ITFG1: variants seen among roughly 807,000 people sequenced by gnomAD.
ITFG1 encodes the protein integrin alpha FG-GAP repeat containing 1.
ITFG1 carries 34 observed loss-of-function variants against 81.8 expected under a neutral mutation model. The ratio of observed to expected loss-of-function variants is 0.42; its 90% CI spans 0.32 to 0.55. ITFG1 has a LOEUF of 0.55. Among genes scored for constraint, ITFG1 ranks in the 20% least tolerant of loss-of-function variants. The pLI, the probability that ITFG1 is intolerant of heterozygous loss-of-function variation, is 0.17. For missense variants in ITFG1, 672 were observed against 755.4 expected (o/e 0.89, Z 1.29); for synonymous variants, 285 against 270.6 (o/e 1.05, Z -0.52).
Position 47,376,964 on chromosome 16 carries a change from C to CAAAAAAAAAAAAAAAAAAAAAAAAAAAA in ITFG1, c.656-1025_656-1024insTTTTTTTTTTTTTTTTTTTTTTTTTTTT, listed in dbSNP as rs1222007051. Reference sequence around the variant, plus strand: ...GAGACAGAGGGAGACTCTGTCTCCCCAAAAAAAAAAAAAAAAAAAAAAAAA... The same window carrying CAAAAAAAAAAAAAAAAAAAAAAAAAAAA: ...GAGACAGAGGGAGACTCTGTCTCCCCAAAAAAAAAAAAAAAAAAAAAAAAAAAAAAAAAAAAAAAAAAAAAAAAAAAAA... On this transcript the variant is annotated intron_variant, in intron 6 of 17. Transcript: ENST00000320640. Among the ~76,000 whole-genome samples, 7 of 18,074 alleles carry CAAAAAAAAAAAAAAAAAAAAAAAAAAAA rather than the reference C, an allele frequency of 3.9e-4. 2 individuals carry two copies. The highest frequency in any genetic ancestry group is 8.7e-4 in the African/African-American group (7 of 8,054). The allele number at this position is 18,074 out of a possible 152,430, so 11.9% of individuals were successfully genotyped here. A position where few individuals can be genotyped will look rare whatever the true frequency, so the allele number is the denominator to read the frequency against.
At position 47,391,868 on chromosome 16, in the gene ITFG1, T is replaced by C. The variant is rs374758133; in HGVS notation, c.656-15928A>G. On this transcript the variant is annotated intron_variant, in intron 6 of 17. Coordinates refer to ENST00000320640, the MANE Select transcript of ITFG1 (RefSeq NM_030790.5). ...GGAATTATTTCATTATTGGGACATA[T>C]ATGCATAGACATATACACCTATCCC... Among the ~76,000 whole-genome samples, 19 of 152,322 alleles carry C rather than the reference T, an allele frequency of 1.2e-4. No individual in the cohort carries two copies. The East Asian group carries it at 2.9e-3, about 23-fold the overall frequency.
intron 12 of ITFG1, among the ~76,000 whole-genome samples, chr16:47,253,565 G>A (rs1966103636): frequency 6.6e-6 from 1 of 152,192 alleles, no homozygotes; most frequent in Non-Finnish European, 1.5e-5. Flanking sequence ...GATGGGTTTT[G>A]CAGAAGAAGG....
In ITFG1 at chr16:47,452,749, C is replaced by T. The variant is rs1471226580; in HGVS notation, c.469G>A (p.Glu157Lys). 6.3e-7 allele frequency: 1 copy of T among 1,588,838 alleles called. No homozygotes were observed. Among genetic ancestry groups the T allele is most frequent in the Non-Finnish European group, 8.6e-7 (1 of 1,164,414 alleles). ...MTILNRTFQDEPLIMDFNGDL... is the reference protein window; with the variant it reads ...MTILNRTFQDKPLIMDFNGDL... ...CATACTTACTCCATAATTAGTGGCT[C>T]ATCTTGAAAAGTCCTATTGAGTATG... The change falls in exon 4 of 18, where the codon GAG becomes AAG. Residue 157 changes from glutamate (E) to lysine (K), a missense_variant. By Grantham distance (56) the Glu-to-Lys change is moderately conservative. Around this residue, in one of 3 missense-constraint regions of ITFG1, gnomAD observed 560 missense variants for 625.7 expected, o/e 0.90. Coordinates refer to ENST00000320640, the MANE Select transcript of ITFG1 (RefSeq NM_030790.5).
intron 5 of ITFG1, chr16:47,450,384 G>A (rs1969373364): frequency 9.1e-6 from 3 of 328,626 alleles, no homozygotes; most frequent in Non-Finnish European, 1.7e-5. Context: ...TCCCATCCAA[G>A]CACTAACCAG....
intron 14 of ITFG1, among the ~76,000 whole-genome samples, chr16:47,180,369 C>A (rs953933704): frequency 1.3e-5 from 2 of 151,444 alleles, no homozygotes; most frequent in Admixed American, 6.6e-5. Flanking sequence ...CCCTCTCCCT[C>A]CCCCTCCCCC....
chr16:47,198,485 A>AG (rs766092349), intron 14 of ITFG1, among the ~76,000 whole-genome samples: 4 of 152,228 alleles, frequency 2.6e-5, no homozygotes, highest in African/African-American at 4.8e-5. Flanking sequence ...AGTACATAAT[A>AG]GTTGATAGTG....
intron 10 of ITFG1, among the ~76,000 whole-genome samples, chr16:47,272,980 C>T (rs920108162): frequency 6.7e-6 from 1 of 149,656 alleles, no homozygotes; most frequent in Non-Finnish European, 1.5e-5. Flanking sequence ...TTACTCAATA[C>T]ACTACCACTT....
intron 14 of ITFG1, among the ~76,000 whole-genome samples, chr16:47,206,475 G>A (rs1965501316): frequency 6.6e-6 from 1 of 152,156 alleles, no homozygotes; most frequent in African/African-American, 2.4e-5. Flanking sequence ...TCGAATTCCA[G>A]AACATTCTCA....
chr16:47,204,542 A>G (rs1027648914), intron 14 of ITFG1, among the ~76,000 whole-genome samples: 1 of 152,146 alleles, frequency 6.6e-6, no homozygotes, highest in Admixed American at 6.6e-5. Flanking sequence ...TTTTATTTCT[A>G]TTATAGCTCT....
intron 6 of ITFG1, among the ~76,000 whole-genome samples, chr16:47,409,406 T>TATATATATA (rs59928420): frequency 3.4e-4 from 4 of 11,710 alleles, no homozygotes; most frequent in African/African-American, 1.1e-3. Flanking sequence ...ATATATATAT[T>TATATATATA]TTTTTTTTTT....
At chr16:47,224,996 C>CA (rs1203771950) in intron 13 of ITFG1, among the ~76,000 whole-genome samples, 1 of 151,498 alleles carries the variant, frequency 6.6e-6, no homozygotes, top group Non-Finnish European at 1.5e-5. Flanking sequence ...GAGACCTTGT[C>CA]AAAAAAGAAA....
intron 12 of ITFG1, among the ~76,000 whole-genome samples, chr16:47,249,378 C>A (rs1966039905): frequency 1.3e-5 from 2 of 152,212 alleles, no homozygotes; most frequent in African/African-American, 2.4e-5. Flanking sequence ...AAGATCATGC[C>A]ACTGCACTCT....
intron 8 of ITFG1, among the ~76,000 whole-genome samples, chr16:47,328,114 A>C (rs879059263): frequency 1.3e-5 from 2 of 152,226 alleles, no homozygotes; most frequent in Admixed American, 1.3e-4. Context: ...AATGTGGCAC[A>C]TATACACCAT....
intron 6 of ITFG1, among the ~76,000 whole-genome samples, chr16:47,387,239 A>T (rs1318389929): frequency 6.6e-6 from 1 of 152,208 alleles, no homozygotes; most frequent in East Asian, 1.9e-4. Flanking sequence ...GAGGAGCAAC[A>T]TCAAAGGCTT....
In ITFG1 at chr16:47,270,187, T is replaced by C. The variant is rs990031864; in HGVS notation, c.1071-9492A>G. On this transcript the variant is annotated intron_variant, in intron 10 of 17. Coordinates refer to ENST00000320640, the MANE Select transcript of ITFG1 (RefSeq NM_030790.5). ...AGTTACGACACTAAAACCATATCTATAAAAAAAATTGAAATATGGTACTTT... is the reference window on the plus strand; with the variant it reads ...AGTTACGACACTAAAACCATATCTACAAAAAAAATTGAAATATGGTACTTT... 1.3e-5 allele frequency among the ~76,000 whole-genome samples: 2 copies of C among 151,874 alleles called. 1 individual carries two copies. Among genetic ancestry groups the C allele is most frequent in the South Asian group, 4.1e-4 (2 of 4,820 alleles).
chr16:47,353,067 G>T (rs1471099680), intron 8 of ITFG1, among the ~76,000 whole-genome samples: 1 of 151,886 alleles, frequency 6.6e-6, no homozygotes, highest in South Asian at 2.1e-4. Context: ...TGTGGGGTAG[G>T]GTGAGGGGGG....
chr16:47,456,786 C>G (rs1223429332), intron 2 of ITFG1, among the ~76,000 whole-genome samples: 2 of 151,740 alleles, frequency 1.3e-5, no homozygotes, highest in African/African-American at 4.8e-5. Flanking sequence ...GAAAGACACA[C>G]CCCCGTGAAG....
In ITFG1 at chr16:47,460,994, G is replaced by C; in HGVS notation, c.52C>G (p.Leu18Val). 1.3e-6 allele frequency: 2 copies of C among 1,573,888 alleles called. No individual in the cohort carries two copies. The highest frequency in any genetic ancestry group is 1.1e-5 in the South Asian group (1 of 87,082). The change falls in exon 1 of 18, where the codon CTC becomes GTC. Residue 18 changes from leucine (L) to valine (V), a missense_variant. Physicochemically the swap from Leu to Val is conservative, Grantham distance 32. Around this residue, in one of 3 missense-constraint regions of ITFG1, gnomAD observed 47 missense variants for 26.4 expected, o/e 1.78. Transcript: ENST00000320640. Reference sequence around the variant, plus strand: ...ACTCCCAGTAGTGCAAGCCCTGCGAGGAGCGGCGAGAAGAGGGCCCAGGAG... The same window carrying C: ...ACTCCCAGTAGTGCAAGCCCTGCGACGAGCGGCGAGAAGAGGGCCCAGGAG... ...PSSWALFSPLLAGLALLGVGP... is the reference protein window; with the variant it reads ...PSSWALFSPLVAGLALLGVGP...
At chr16:47,356,203 TC>T (rs1968037538) in intron 8 of ITFG1, among the ~76,000 whole-genome samples, 1 of 152,206 alleles carries the variant, frequency 6.6e-6, no homozygotes, top group Admixed American at 6.5e-5. Flanking sequence ...ACAATATTGT[TC>T]ACCTCAGAAA....
Sources: allele counts gnomAD v4.1 joint callset (sites outside exome capture counted in the v4.1 genomes callset), GRCh38; gene constraint gnomAD v4.1.1; regional missense constraint gnomAD v4.1.1; transcripts MANE v1.5; gene names NCBI Gene and HGNC (gene_info 2026-07-23, HGNC 2026-07-21).